Variants in RANBP2 observed in about 807,000 individuals in gnomAD.
RANBP2 encodes the protein E3 SUMO-protein ligase RanBP2.
In RANBP2, 57 loss-of-function variants were observed where a neutral mutation model predicts 303.6. The ratio of observed to expected loss-of-function variants is 0.19; its 90% CI spans 0.15 to 0.23. The LOEUF (loss-of-function observed/expected upper bound fraction) is 0.23, where lower values mean the gene tolerates loss of function less well. Among genes scored for constraint, RANBP2 ranks in the 10% least tolerant of loss-of-function variants. The pLI is 1.00. For synonymous variants in RANBP2, 1,167 were observed against 1,301.5 expected (o/e 0.90, Z 2.23); for missense variants, 3,138 against 3,780.8 (o/e 0.83, Z 4.46).
chr2:109,645,228 C>A, the RANBP2 span, among the ~76,000 whole-genome samples: 7 of 152,146 alleles, frequency 4.6e-5, no homozygotes. Context: ...GAGAGGCAAC[C>A]AAGGTTTAAA....
At chr2:109,444,947 CAGG>C in the RANBP2 span, among the ~76,000 whole-genome samples, 1 of 151,948 alleles carries the variant, frequency 6.6e-6, no homozygotes, top group Non-Finnish European at 1.5e-5. Flanking sequence ...AAAAGAAAAA[CAGG>C]AAGCTATGAA....
the RANBP2 span, among the ~76,000 whole-genome samples, chr2:108,841,935 A>G: frequency 1.4e-4 from 22 of 151,958 alleles, no homozygotes; most frequent in African/African-American, 4.1e-4. Flanking sequence ...TCTTCTTGGT[A>G]TTACATTTGT....
At chr2:108,747,735 TG>T (rs1696624801) in intron 8 of RANBP2, among the ~76,000 whole-genome samples, 1 of 152,204 alleles carries the variant, frequency 6.6e-6, no homozygotes, top group Admixed American at 6.5e-5. Flanking sequence ...AACTGTGTAG[TG>T]GTAACCAAAC....
the RANBP2 span, among the ~76,000 whole-genome samples, chr2:109,593,409 CT>C: frequency 8.7e-4 from 116 of 133,686 alleles, no homozygotes; most frequent in South Asian, 1.4e-3. Context: ...AGAGAAAGAA[CT>C]TTTTTTTTTT....
chr2:108,987,780 C>T, the RANBP2 span, among the ~76,000 whole-genome samples: 7 of 152,322 alleles, frequency 4.6e-5, no homozygotes, highest in East Asian at 1.9e-4. Flanking sequence ...GGACTGTCAT[C>T]GGAACGAACG....
the RANBP2 span, among the ~76,000 whole-genome samples, chr2:109,325,099 C>G: frequency 6.6e-6 from 1 of 152,124 alleles, no homozygotes; most frequent in South Asian, 2.1e-4. Context: ...ATGGCTCTGA[C>G]AAGGCCCAAG....
the RANBP2 span, among the ~76,000 whole-genome samples, chr2:109,459,957 C>T: frequency 6.6e-6 from 1 of 152,186 alleles, no homozygotes; most frequent in Non-Finnish European, 1.5e-5. Flanking sequence ...GCATACCCAG[C>T]CTTCTGGAGA....
At chr2:109,328,914 T>C in the RANBP2 span, among the ~76,000 whole-genome samples, 4 of 152,290 alleles carry the variant, frequency 2.6e-5, no homozygotes, top group East Asian at 7.7e-4. Context: ...GGCTGAGAGC[T>C]GAGGCTTCCC....
the RANBP2 span, chr2:109,567,741 G>T: frequency 1.5e-6 from 2 of 1,363,918 alleles, no homozygotes; most frequent in Non-Finnish European, 2.0e-6. Context: ...AAGTGTATTA[G>T]CAGCAATATT....
At chr2:109,615,573 G>T in the RANBP2 span, 13 of 1,614,068 alleles carry the variant, frequency 8.1e-6, no homozygotes, top group Non-Finnish European at 1.0e-5. Flanking sequence ...GCTGCTGGTG[G>T]GGGCCTACGA....
At chr2:109,037,641 T>C in the RANBP2 span, among the ~76,000 whole-genome samples, 1 of 152,160 alleles carries the variant, frequency 6.6e-6, no homozygotes, top group African/African-American at 2.4e-5. Flanking sequence ...GAAAAATAAA[T>C]GTCATTTCTA....
chr2:108,766,804 A>G lies in RANBP2; in HGVS notation c.6265A>G (p.Ile2089Val), dbSNP rs1008515382. ...QVLKVCANHWITTTMNLKPLS... is the reference protein window; with the variant it reads ...QVLKVCANHWVTTTMNLKPLS... ...ACTAAAAGTGTGTGCTAATCATTGG[A>G]TAACGACTACGATGAACCTGAAGCC... Residue 2089 changes from isoleucine (I) to valine (V), a missense_variant, in exon 20 of 29, where the codon ATA becomes GTA. Physicochemically the swap from Ile to Val is conservative, Grantham distance 29 (BLOSUM62 3). Coordinates refer to ENST00000283195, the MANE Select transcript of RANBP2 (RefSeq NM_006267.5). 1 of 1,612,020 alleles carries G rather than the reference A, an allele frequency of 6.2e-7. No individual in the cohort carries two copies. The highest frequency in any genetic ancestry group is 8.5e-7 in the Non-Finnish European group (1 of 1,179,862).
chr2:109,548,424 TGAGGTTTACAGGCTCATTGGCTCACG>T, the RANBP2 span, among the ~76,000 whole-genome samples: 1 of 151,930 alleles, frequency 6.6e-6, no homozygotes, highest in Non-Finnish European at 1.5e-5. Flanking sequence ...GATGGCTCAT[TGAGGTTTACAGGCTCATTGGCTCACG>T]GAGGTTTACA....
At chr2:109,081,553 G>A in the RANBP2 span, among the ~76,000 whole-genome samples, 2 of 152,160 alleles carry the variant, frequency 1.3e-5, no homozygotes, top group Non-Finnish European at 2.9e-5. Flanking sequence ...GGGTTTATGA[G>A]ACAGATCACA....
the RANBP2 span, among the ~76,000 whole-genome samples, chr2:109,288,164 C>A: frequency 6.6e-6 from 1 of 152,218 alleles, no homozygotes; most frequent in African/African-American, 2.4e-5. Flanking sequence ...AAGAAGAACT[C>A]AAACTTAGAT....
At chr2:109,394,500 G>T in the RANBP2 span, among the ~76,000 whole-genome samples, 3 of 152,228 alleles carry the variant, frequency 2.0e-5, no homozygotes, top group African/African-American at 7.2e-5. Flanking sequence ...ACCTGCACAG[G>T]TACCAGGAGC....
the RANBP2 span, among the ~76,000 whole-genome samples, chr2:109,244,784 G>A: frequency 1.3e-5 from 2 of 152,196 alleles, no homozygotes; most frequent in African/African-American, 4.8e-5. Context: ...GTGGCCCAGG[G>A]CAGGTGCCCC....
chr2:109,493,797 AACAC>A, the RANBP2 span, among the ~76,000 whole-genome samples: 1 of 152,064 alleles, frequency 6.6e-6, no homozygotes, highest in African/African-American at 2.4e-5. Flanking sequence ...AAACACACAT[AACAC>A]ACAGATACAC....
At chr2:109,349,620 A>C in the RANBP2 span, among the ~76,000 whole-genome samples, 1,231 of 152,270 alleles carry the variant, frequency 8.1e-3, 15 homozygotes, top group African/African-American at 0.028. Flanking sequence ...CAGACCCCAT[A>C]ATGGCTCTAG....
Sources: gnomAD v4.1 joint callset for allele counts (sites outside exome capture counted in the v4.1 genomes callset) on GRCh38, gnomAD v4.1.1 for gene constraint, MANE v1.5 for transcripts, NCBI Gene and HGNC (gene_info 2026-07-23, HGNC 2026-07-21) for gene names.